The following TBL1XR1 variants were observed in gnomAD, a reference collection of about 807,000 sequenced individuals.
TBL1XR1 encodes F-box-like/WD repeat-containing protein TBL1XR1.
TBL1XR1 carries 5 observed loss-of-function variants against 66.9 expected under a neutral mutation model. That is an observed-to-expected ratio of 0.07 (90% CI 0.04 to 0.16). TBL1XR1 has a LOEUF of 0.16. TBL1XR1 is among the 10% of genes least tolerant of loss of function. The pLI is 1.00. For missense variants in TBL1XR1, 238 were observed against 623.2 expected, an observed-to-expected ratio of 0.38 and a Z score of 6.58; for synonymous variants, 210 against 206.0, an observed-to-expected ratio of 1.02 and a Z score of -0.17.
intron 2 of TBL1XR1, among the ~76,000 whole-genome samples, chr3:177,090,908 G>C (rs1033699867): frequency 3.9e-5 from 6 of 152,178 alleles, no homozygotes; most frequent in Non-Finnish European, 7.3e-5. Context: ...AGAATCGATT[G>C]AGCCCAGAAG....
chr3:177,069,769 GAAGGAAAGGAAGGA>G, intron 2 of TBL1XR1, among the ~76,000 whole-genome samples: 2 of 103,216 alleles, frequency 1.9e-5, no homozygotes, highest in Non-Finnish European at 3.9e-5. Context: ...GGAAAGAAAG[GAAGGAAAGGAAGGA>G]AAAGGAAGGA....
chr3:177,162,121 A>C (rs940382492), intron 1 of TBL1XR1, among the ~76,000 whole-genome samples: 1 of 152,244 alleles, frequency 6.6e-6, no homozygotes, highest in Admixed American at 6.5e-5. Context: ...AAAGATGTTA[A>C]GTGCTTTAGA....
intron 1 of TBL1XR1, among the ~76,000 whole-genome samples, chr3:177,141,491 T>G (rs192226554): frequency 1.8e-4 from 28 of 152,298 alleles, no homozygotes; most frequent in African/African-American, 6.7e-4. Context: ...TACATATAAA[T>G]CGTATTAAAT....
In TBL1XR1 at chr3:177,112,092, TATATATATATATA is replaced by T. The variant is rs1560188501; in HGVS notation, c.-121-13564_-121-13552del. ...AAAATCAAATATATATATATATATA[TATATATATATATA>T]TATTTTTTTTTTTTTTTTTTGTGAG... is the stretch of plus-strand genomic sequence containing the variant. On this transcript the variant is annotated intron_variant, in intron 1 of 15. Transcript: ENST00000457928. Among the ~76,000 whole-genome samples the T allele has an allele frequency of 1.7e-4, 8 of 47,718 alleles. 1 individual carries two copies. The highest frequency in any genetic ancestry group is 4.4e-4 in the African/African-American group (3 of 6,878). 31.3% of individuals were successfully genotyped at this position (47,718 alleles called of 152,430 possible).
intron 1 of TBL1XR1, chr3:177,125,963 T>C (rs778822437): frequency 2.6e-5 from 4 of 152,210 alleles, no homozygotes; most frequent in African/African-American, 7.2e-5. Flanking sequence ...ACAGTAGGTG[T>C]ATATATTTAT....
At chr3:177,191,920 C>G (rs568535101) in intron 1 of TBL1XR1, among the ~76,000 whole-genome samples, 1 of 151,454 alleles carries the variant, frequency 6.6e-6, no homozygotes, top group African/African-American at 2.4e-5. Context: ...TGGTGAAACC[C>G]CATCTCTACT....
chr3:177,050,727 A>G (rs913849256), intron 5 of TBL1XR1, 117 bp from the exon 6 acceptor site: 1 of 1,066,636 alleles, frequency 9.4e-7, no homozygotes, highest in African/African-American at 1.6e-5. Context: ...ACATTTTTCA[A>G]TTATATCCAG....
chr3:177,102,247 A>C lies in TBL1XR1; in HGVS notation c.-121-3706T>G, dbSNP rs188749937. On this transcript the variant is annotated intron_variant, in intron 1 of 15. Transcript: ENST00000457928. ...CAAGTCGTTAAGGAGAAAGACCACA[A>C]TAGTGATTTAATAGTTGATGACATG... 1.7e-3 allele frequency among the ~76,000 whole-genome samples: 263 copies of C among 152,326 alleles called. 1 individual carries two copies. Among genetic ancestry groups the C allele is most frequent in the Non-Finnish European group, 2.9e-3 (198 of 68,038 alleles).
At chr3:177,081,951 GA>G (rs1721453291) in intron 2 of TBL1XR1, among the ~76,000 whole-genome samples, 1 of 152,044 alleles carries the variant, frequency 6.6e-6, no homozygotes, top group African/African-American at 2.4e-5. Flanking sequence ...AAGTTAAGGA[GA>G]ATTTGATGTT....
chr3:177,065,977 T>G (rs1248521323), intron 2 of TBL1XR1, among the ~76,000 whole-genome samples: 1 of 152,198 alleles, frequency 6.6e-6, no homozygotes, highest in Non-Finnish European at 1.5e-5. Context: ...TAAAGACCTT[T>G]CTTTGCTTGT....
chr3:177,138,558 TCC>T lies in TBL1XR1; in HGVS notation c.-121-40019_-121-40018del, dbSNP rs370705016. ...GTGAGCCATGATCACATCACTGTAC[TCC>T]CAGCCTGGGTGACAGAGCAAGACCC... is the stretch of plus-strand genomic sequence containing the variant. On this transcript the variant is annotated intron_variant, in intron 1 of 15. Coordinates refer to ENST00000457928, the MANE Select transcript of TBL1XR1 (RefSeq NM_024665.7). Among the ~76,000 whole-genome samples, 943 of 151,516 alleles carry T rather than the reference TCC, an allele frequency of 6.2e-3. 12 individuals are homozygous for T. The highest frequency in any genetic ancestry group is 0.022 in the African/African-American group (903 of 41,276).
chr3:177,036,579 C>A (rs1385746018), intron 12 of TBL1XR1, among the ~76,000 whole-genome samples: 2 of 152,188 alleles, frequency 1.3e-5, no homozygotes, highest in Non-Finnish European at 2.9e-5. Flanking sequence ...TCATATGTGT[C>A]ACACACAGTT....
rs528639350 is a variant in TBL1XR1 at position 177,073,993 on chromosome 3, T to C, written c.-45-8971A>G. On this transcript the variant is annotated intron_variant, in intron 2 of 15. Coordinates refer to ENST00000457928, the MANE Select transcript of TBL1XR1 (RefSeq NM_024665.7). ...CCCATTCAGGACTCCAAACATGGGG[T>C]AGCGTTCTTTACCACATACACAGCA... 4.8e-4 allele frequency among the ~76,000 whole-genome samples: 73 copies of C among 152,304 alleles called. No individual in the cohort carries two copies. In the South Asian group the frequency reaches 0.015, roughly 31 times the overall value.
At chr3:177,036,915 A>C (rs1014579577) in intron 12 of TBL1XR1, among the ~76,000 whole-genome samples, 1 of 152,216 alleles carries the variant, frequency 6.6e-6, no homozygotes, top group Non-Finnish European at 1.5e-5. Flanking sequence ...GTTGCAGGAG[A>C]GGGCTCAAAG....
At chr3:177,104,269 AAG>A (rs1414725514) in intron 1 of TBL1XR1, among the ~76,000 whole-genome samples, 1 of 152,194 alleles carries the variant, frequency 6.6e-6, no homozygotes, top group Admixed American at 6.5e-5. Context: ...ACAATTAAGA[AAG>A]AAACAAAAAC....
intron 1 of TBL1XR1, among the ~76,000 whole-genome samples, chr3:177,138,421 TCC>T: frequency 6.6e-6 from 1 of 152,156 alleles, no homozygotes; most frequent in Middle Eastern, 3.4e-3. Context: ...ATGGTATGAC[TCC>T]ATCTCCATAA....
intron 1 of TBL1XR1, among the ~76,000 whole-genome samples, chr3:177,137,406 C>CAACT (rs1234628102): frequency 3.9e-5 from 6 of 152,200 alleles, no homozygotes; most frequent in African/African-American, 1.4e-4. Context: ...GCAGGAAGAT[C>CAACT]AACTGATTAA....
intron 1 of TBL1XR1, among the ~76,000 whole-genome samples, chr3:177,174,586 G>A (rs1733943441): frequency 6.6e-6 from 1 of 151,976 alleles, no homozygotes; most frequent in Non-Finnish European, 1.5e-5. Context: ...CAGAAAAAGA[G>A]GAGCAGTAGC....
intron 2 of TBL1XR1, among the ~76,000 whole-genome samples, chr3:177,069,784 A>G (rs933287531): frequency 2.5e-5 from 1 of 39,526 alleles, no homozygotes; most frequent in Non-Finnish European, 4.6e-5. Flanking sequence ...AAAGGAAGGA[A>G]AAGGAAGGAA....
Sources: allele counts gnomAD v4.1 joint callset (sites outside exome capture counted in the v4.1 genomes callset), GRCh38; gene constraint gnomAD v4.1.1; transcripts MANE v1.5; gene names NCBI Gene and HGNC (gene_info 2026-07-23, HGNC 2026-07-21).